The following TGFBI variants were observed in gnomAD, a reference collection of about 807,000 sequenced individuals.
TGFBI encodes transforming growth factor beta induced, also known as transforming growth factor-beta-induced protein ig-h3.
Under a neutral mutation model 73.7 loss-of-function variants are expected in TGFBI, and 50 were observed. The observed-to-expected ratio is 0.68, with a 90% CI of 0.54 to 0.86. The LOEUF is 0.86. TGFBI is among the 40% of genes least tolerant of loss of function. TGFBI has a pLI of 0.00. For missense variants in TGFBI, 839 were observed against 877.0 expected, an observed-to-expected ratio of 0.96 and a Z score of 0.55; for synonymous variants, 362 against 360.5, an observed-to-expected ratio of 1.00 and a Z score of -0.05.
At chr5:136,051,513 C>A (rs558274748) in intron 7 of TGFBI, among the ~76,000 whole-genome samples, 1 of 152,190 alleles carries the variant, frequency 6.6e-6, no homozygotes, top group African/African-American at 2.4e-5. Context: ...CTACTTCGTC[C>A]CTTTTGCAAA....
At chr5:136,037,645 C>T (rs760906196) in intron 2 of TGFBI, among the ~76,000 whole-genome samples, 10 of 152,146 alleles carry the variant, frequency 6.6e-5, no homozygotes, top group Non-Finnish European at 1.0e-4. Flanking sequence ...AATTGTTTCA[C>T]GAGCAACACA....
At chr5:136,036,422 G>A (rs905397747) in intron 2 of TGFBI, among the ~76,000 whole-genome samples, 4 of 152,236 alleles carry the variant, frequency 2.6e-5, no homozygotes, top group African/African-American at 7.2e-5. Context: ...GGACAAGAGA[G>A]GCCCTTCCTG....
intron 6 of TGFBI, chr5:136,047,685 C>T: frequency 2.1e-6 from 1 of 467,950 alleles, no homozygotes. Flanking sequence ...TGCAGCAGCA[C>T]AGTGTCCTCT....
intron 2 of TGFBI, among the ~76,000 whole-genome samples, chr5:136,035,117 G>C (rs1347183834): frequency 1.3e-5 from 2 of 152,328 alleles, no homozygotes; most frequent in East Asian, 3.9e-4. Flanking sequence ...GATACCAGCA[G>C]TCCCTGGGAG....
At position 136,047,017 on chromosome 5, in the gene TGFBI, T is replaced by G; in HGVS notation, c.624+2T>G. ...CAGATCCACCACTATCCTAATGGGGTAGGGGATCCCCAGCCATACTGCATG... is the reference window on the plus strand; with the variant it reads ...CAGATCCACCACTATCCTAATGGGGGAGGGGATCCCCAGCCATACTGCATG... On this transcript the variant is annotated splice_donor_variant, in intron 5 of 16. Coordinates refer to ENST00000442011, the MANE Select transcript of TGFBI (RefSeq NM_000358.3). LOFTEE classifies it high-confidence loss of function. The G allele has an allele frequency of 6.2e-7, 1 of 1,610,948 alleles. No individual in the cohort carries two copies. The highest frequency in any genetic ancestry group is 8.5e-7 in the Non-Finnish European group (1 of 1,179,710).
At chr5:136,060,666 T>A (rs1162342639) in intron 13 of TGFBI, among the ~76,000 whole-genome samples, 168 bp from the exon 14 acceptor site, 2 of 152,126 alleles carry the variant, frequency 1.3e-5, no homozygotes, top group African/African-American at 4.8e-5. Flanking sequence ...GTCGAGATCA[T>A]GCCACTGCAC....
At chr5:136,046,606 G>C in intron 4 of TGFBI, 111 bp downstream of exon 4, 1 of 1,379,280 alleles carries the variant, frequency 7.3e-7, no homozygotes, top group Non-Finnish European at 9.6e-7. Context: ...GTTTCAGGAA[G>C]CTTTCTCCTT....
intron 5 of TGFBI, 44 bp from the exon 6 acceptor site, chr5:136,047,230 C>T: frequency 1.2e-6 from 2 of 1,608,350 alleles, no homozygotes; most frequent in South Asian, 1.1e-5. Context: ...TGGGACTATG[C>T]CTCTGTTGTG....
At chr5:136,039,368 G>C (rs574513530) in intron 2 of TGFBI, among the ~76,000 whole-genome samples, 1 of 152,178 alleles carries the variant, frequency 6.6e-6, no homozygotes, top group Non-Finnish European at 1.5e-5. Context: ...CTGCCCCCAG[G>C]GGGTATCAAG....
At chr5:136,037,261 A>T (rs971293586) in intron 2 of TGFBI, among the ~76,000 whole-genome samples, 4 of 152,196 alleles carry the variant, frequency 2.6e-5, no homozygotes, top group Admixed American at 1.3e-4. Flanking sequence ...TCACTTTAGC[A>T]TTTATTTCAG....
intron 5 of TGFBI, 105 bp downstream of exon 5, chr5:136,047,120 C>A (rs554826569): frequency 2.0e-6 from 3 of 1,524,156 alleles, no homozygotes; most frequent in East Asian, 2.3e-5. Flanking sequence ...ACAACCCACC[C>A]TCTTTGTGCC....
intron 2 of TGFBI, among the ~76,000 whole-genome samples, chr5:136,040,750 G>C (rs758226411): frequency 6.6e-6 from 1 of 152,210 alleles, no homozygotes; most frequent in African/African-American, 2.4e-5. Flanking sequence ...CCAACAGATT[G>C]GTCTTTTCTA....
chr5:136,056,884 T>G, intron 12 of TGFBI, 89 bp downstream of exon 12: 1 of 1,453,780 alleles, frequency 6.9e-7, no homozygotes, highest in Non-Finnish European at 9.3e-7. Context: ...CATCAAGGAT[T>G]GACTTGAAGG....
intron 2 of TGFBI, among the ~76,000 whole-genome samples, chr5:136,039,536 AG>A (rs1198932867): frequency 1.3e-5 from 2 of 152,210 alleles, no homozygotes; most frequent in Non-Finnish European, 2.9e-5. Flanking sequence ...CCTTTGTCTC[AG>A]GGTCATCAAC....
Position 136,062,696 on chromosome 5 carries a change from G to T in TGFBI, c.2011+9G>T. 2 of 1,566,958 alleles carry T rather than the reference G, an allele frequency of 1.3e-6. No homozygotes were observed. Among genetic ancestry groups the T allele is most frequent in the East Asian group, 2.3e-5 (1 of 42,762 alleles). ...GAGGTCTGTGCGACTAGGTGAGTCT[G>T]GTCTGGGTTTGAAGTCATTGCAGAC... On this transcript the variant is annotated intron_variant, in intron 16 of 16. Transcript: ENST00000442011.
At chr5:136,038,008 AGT>A (rs1751258826) in intron 2 of TGFBI, among the ~76,000 whole-genome samples, 1 of 152,184 alleles carries the variant, frequency 6.6e-6, no homozygotes, top group African/African-American at 2.4e-5. Context: ...GACCCATACT[AGT>A]GCCTCCTTTC....
intron 1 of TGFBI, among the ~76,000 whole-genome samples, chr5:136,030,562 C>G (rs1020107454): frequency 2.6e-5 from 4 of 152,088 alleles, no homozygotes; most frequent in African/African-American, 9.7e-5. Flanking sequence ...ATCCTGGGGT[C>G]TTTCTGGAAG....
chr5:136,041,610 G>T (rs1751341002), intron 2 of TGFBI, among the ~76,000 whole-genome samples: 1 of 152,184 alleles, frequency 6.6e-6, no homozygotes, highest in Admixed American at 6.5e-5. Context: ...ATGACCTTAA[G>T]AAACTCCTTC....
At chr5:136,051,444 A>G (rs1195836153) in intron 7 of TGFBI, among the ~76,000 whole-genome samples, 2 of 152,028 alleles carry the variant, frequency 1.3e-5, no homozygotes, top group African/African-American at 2.4e-5. Flanking sequence ...AAAAAACAAA[A>G]CAAAACAAAA....
Sources: gnomAD v4.1 joint callset for allele counts (sites outside exome capture counted in the v4.1 genomes callset) on GRCh38, gnomAD v4.1.1 for gene constraint, MANE v1.5 for transcripts, NCBI Gene and HGNC (gene_info 2026-07-23, HGNC 2026-07-21) for gene names.